Variants in RBFOX1 observed in about 807,000 individuals in gnomAD.
The protein encoded by RBFOX1 is RNA binding protein fox-1 homolog 1.
Under a neutral mutation model 57.7 loss-of-function variants are expected in RBFOX1, and 8 were observed. The ratio of observed to expected loss-of-function variants is 0.14; its 90% CI spans 0.08 to 0.25. The LOEUF is 0.25. RBFOX1 is among the 10% of genes least tolerant of loss of function. RBFOX1 has a pLI of 1.00. For synonymous variants in RBFOX1, 326 were observed against 222.4 expected (o/e 1.47, Z -4.15); for missense variants, 611 against 548.5 (o/e 1.11, Z -1.14).
At chr16:7,304,494 C>T in intron 4 of RBFOX1, 13 of 985,232 alleles carry the variant, frequency 1.3e-5, no homozygotes, top group Non-Finnish European at 1.6e-5. Flanking sequence ...AGGTAAGGCG[C>T]GCGTCTGCCC....
At chr16:7,401,147 G>T (rs752930108) in intron 4 of RBFOX1, among the ~76,000 whole-genome samples, 1 of 152,182 alleles carries the variant, frequency 6.6e-6, no homozygotes, top group Non-Finnish European at 1.5e-5. Flanking sequence ...GATCTAAGCT[G>T]CCTGATGAAG....
chr16:6,297,101 G>T (rs925199616), intron 1 of RBFOX1, among the ~76,000 whole-genome samples: 3 of 152,148 alleles, frequency 2.0e-5, no homozygotes, highest in Admixed American at 1.3e-4. Flanking sequence ...AACTGTCATG[G>T]TGCTGGTGGG....
chr16:5,414,843 T>G (rs2067119150), intron 1 of RBFOX1, among the ~76,000 whole-genome samples: 2 of 152,170 alleles, frequency 1.3e-5, no homozygotes, highest in Admixed American at 1.3e-4. Flanking sequence ...CTCGGTGGGA[T>G]TCTTCTTGAG....
intron 3 of RBFOX1, among the ~76,000 whole-genome samples, chr16:5,667,014 C>T (rs933469398): frequency 2.0e-5 from 3 of 152,184 alleles, no homozygotes; most frequent in Admixed American, 6.5e-5. Context: ...GGGCTGCTTC[C>T]GGAGTCCTCA....
At chr16:6,118,763 T>A (rs1408182995) in intron 1 of RBFOX1, among the ~76,000 whole-genome samples, 1 of 147,636 alleles carries the variant, frequency 6.8e-6, no homozygotes, top group African/African-American at 2.5e-5. Context: ...CCTTCTCTCT[T>A]TCTCCCTCTC....
At chr16:6,866,413 C>G (rs191450011) in intron 3 of RBFOX1, among the ~76,000 whole-genome samples, 120 of 151,826 alleles carry the variant, frequency 7.9e-4, no homozygotes, top group Middle Eastern at 3.4e-3. Context: ...TATCCATCAT[C>G]TCCATGACTT....
At chr16:7,181,511 C>G (rs961749091) in intron 4 of RBFOX1, among the ~76,000 whole-genome samples, 1 of 151,380 alleles carries the variant, frequency 6.6e-6, no homozygotes, top group Non-Finnish European at 1.5e-5. Context: ...TCCTTCTTCC[C>G]TCCCTCCCTC....
At chr16:6,947,060 G>C (rs2079679899) in intron 3 of RBFOX1, among the ~76,000 whole-genome samples, 1 of 152,152 alleles carries the variant, frequency 6.6e-6, no homozygotes, top group South Asian at 2.1e-4. Flanking sequence ...CTGTAATTGA[G>C]AGAAGGTCTG....
rs142429867 is a variant in RBFOX1, at chr16:5,635,747, T to TA, written c.318+36787dup. On this transcript the variant is annotated intron_variant, in intron 3 of 19. Transcript: ENST00000641259. Reference sequence around the variant, plus strand: ...CTGCCATCTTGGGTGCATTTGTAAATACTGAGGGATAGATCAAGCCAGAGC... The same window carrying TA: ...CTGCCATCTTGGGTGCATTTGTAAATAACTGAGGGATAGATCAAGCCAGAGC... Among the ~76,000 whole-genome samples the TA allele has an allele frequency of 5.6e-3, 854 of 152,276 alleles. 8 individuals are homozygous for TA. The highest frequency in any genetic ancestry group is 0.02 in the African/African-American group (812 of 41,546).
intron 3 of RBFOX1, among the ~76,000 whole-genome samples, chr16:6,889,893 T>C (rs141595579): frequency 6.6e-6 from 1 of 152,360 alleles, no homozygotes; most frequent in East Asian, 1.9e-4. Flanking sequence ...AGTTTTCTTT[T>C]AACACATTGT....
chr16:7,467,028 CT>C (rs1293074008), intron 4 of RBFOX1, among the ~76,000 whole-genome samples: 1 of 152,178 alleles, frequency 6.6e-6, no homozygotes, highest in African/African-American at 2.4e-5. Context: ...AGATATGTCT[CT>C]TATCTCTATG....
At chr16:6,943,252 G>C (rs1487010370) in intron 3 of RBFOX1, among the ~76,000 whole-genome samples, 1 of 152,218 alleles carries the variant, frequency 6.6e-6, no homozygotes, top group Non-Finnish European at 1.5e-5. Context: ...AGCAGTCAAT[G>C]ACTGATCAAG....
At chr16:6,127,916 G>A (rs1440133741) in intron 1 of RBFOX1, among the ~76,000 whole-genome samples, 1 of 152,148 alleles carries the variant, frequency 6.6e-6, no homozygotes, top group Admixed American at 6.6e-5. Flanking sequence ...AATTGAATAA[G>A]GGAAGCGTGC....
At chr16:7,221,792 T>C (rs1469947998) in intron 4 of RBFOX1, among the ~76,000 whole-genome samples, 1 of 152,226 alleles carries the variant, frequency 6.6e-6, no homozygotes, top group African/African-American at 2.4e-5. Context: ...GTCTTATCTT[T>C]TACAAGCGAG....
At chr16:6,289,932 G>A (rs2077294344) in intron 1 of RBFOX1, among the ~76,000 whole-genome samples, 3 of 152,088 alleles carry the variant, frequency 2.0e-5, no homozygotes, top group Admixed American at 6.6e-5. Context: ...GCCTTTGATA[G>A]TTGAGAATGA....
intron 2 of RBFOX1, among the ~76,000 whole-genome samples, chr16:6,630,696 A>G (rs1055679397): frequency 6.6e-6 from 1 of 152,124 alleles, no homozygotes; most frequent in African/African-American, 2.4e-5. Flanking sequence ...AAGTATCTCC[A>G]TGTTTGTAGT....
At chr16:5,915,122 T>C (rs1179764371) in intron 4 of RBFOX1, among the ~76,000 whole-genome samples, 1 of 152,276 alleles carries the variant, frequency 6.6e-6, no homozygotes, top group East Asian at 1.9e-4. Flanking sequence ...TAGAGGCTGC[T>C]CATTCCACTA....
chr16:6,350,679 A>G (rs1056003035), intron 2 of RBFOX1, among the ~76,000 whole-genome samples: 1 of 152,060 alleles, frequency 6.6e-6, no homozygotes, highest in African/African-American at 2.4e-5. Context: ...CCCTCTTGTG[A>G]GTAATTACTA....
At chr16:7,113,591 A>T (rs1298759306) in intron 4 of RBFOX1, among the ~76,000 whole-genome samples, 2 of 152,208 alleles carry the variant, frequency 1.3e-5, no homozygotes, top group African/African-American at 4.8e-5. Flanking sequence ...TGATGAATGT[A>T]TGCAAATTAT....
Sources: gnomAD v4.1 joint callset for allele counts (sites outside exome capture counted in the v4.1 genomes callset) on GRCh38, gnomAD v4.1.1 for gene constraint, MANE v1.5 for transcripts, NCBI Gene and HGNC (gene_info 2026-07-23, HGNC 2026-07-21) for gene names.